The following NDUFS4 variants were observed in gnomAD, a reference collection of about 807,000 sequenced individuals.
NDUFS4 encodes the protein NADH dehydrogenase [ubiquinone] iron-sulfur protein 4, mitochondrial.
In NDUFS4, 28 loss-of-function variants were observed where a neutral mutation model predicts 24.3. The ratio of observed to expected loss-of-function variants is 1.15; its 90% CI spans 0.85 to 1.58. NDUFS4 has a LOEUF of 1.58. NDUFS4 is among the 40% of genes most tolerant of loss of function. The pLI is 0.00. For missense variants in NDUFS4, 223 were observed against 207.9 expected (o/e 1.07, Z -0.45); for synonymous variants, 93 against 69.7 (o/e 1.34, Z -1.67).
intron 1 of NDUFS4, among the ~76,000 whole-genome samples, chr5:53,588,907 A>T (rs1447776551): frequency 6.6e-6 from 1 of 152,076 alleles, no homozygotes; most frequent in Non-Finnish European, 1.5e-5. Context: ...GAAGTTTTAG[A>T]CCAAAAGATT....
intron 1 of NDUFS4, among the ~76,000 whole-genome samples, chr5:53,595,080 A>G (rs1463348255): frequency 6.6e-6 from 1 of 152,170 alleles, no homozygotes; most frequent in African/African-American, 2.4e-5. Flanking sequence ...ATAAATCTAC[A>G]GATCTGCATA....
chr5:53,612,759 T>C (rs1181571783), intron 2 of NDUFS4, among the ~76,000 whole-genome samples: 2 of 152,142 alleles, frequency 1.3e-5, no homozygotes, highest in African/African-American at 4.8e-5. Context: ...GAGGTTTTAA[T>C]ATTGCTGTGT....
At chr5:53,582,855 CAT>C (rs1383974665) in intron 1 of NDUFS4, among the ~76,000 whole-genome samples, 1 of 152,156 alleles carries the variant, frequency 6.6e-6, no homozygotes, top group African/African-American at 2.4e-5. Flanking sequence ...ATTATGGAAT[CAT>C]ATAGAAATTT....
At chr5:53,671,753 G>A (rs911374361) in intron 4 of NDUFS4, among the ~76,000 whole-genome samples, 13 of 152,160 alleles carry the variant, frequency 8.5e-5, no homozygotes, top group Non-Finnish European at 1.8e-4. Context: ...GACAGCTGTG[G>A]AAAATTTGGA....
intron 2 of NDUFS4, among the ~76,000 whole-genome samples, chr5:53,605,333 A>G (rs1218158291): frequency 2.0e-5 from 3 of 152,164 alleles, no homozygotes; most frequent in African/African-American, 7.2e-5. Context: ...TCCTATGAGC[A>G]TCTTTTTTTA....
chr5:53,594,177 G>A (rs1750060782), intron 1 of NDUFS4, among the ~76,000 whole-genome samples: 2 of 152,082 alleles, frequency 1.3e-5, no homozygotes, highest in African/African-American at 4.8e-5. Flanking sequence ...ATTTCTCCTT[G>A]TAGTTTCATC....
At chr5:53,629,231 A>G (rs1330740768) in intron 2 of NDUFS4, among the ~76,000 whole-genome samples, 5 of 152,078 alleles carry the variant, frequency 3.3e-5, no homozygotes, top group East Asian at 3.8e-4. Flanking sequence ...TGATTGTACT[A>G]TGGTCTGAGA....
intron 4 of NDUFS4, among the ~76,000 whole-genome samples, chr5:53,676,632 A>G (rs1436270213): frequency 6.6e-6 from 1 of 152,192 alleles, no homozygotes; most frequent in Non-Finnish European, 1.5e-5. Flanking sequence ...GAAATGCAAA[A>G]TACTGGCACT....
intron 3 of NDUFS4, among the ~76,000 whole-genome samples, chr5:53,650,150 A>G (rs915670478): frequency 3.9e-5 from 6 of 152,186 alleles, no homozygotes; most frequent in Non-Finnish European, 7.3e-5. Flanking sequence ...CCCCAGACTC[A>G]CCGTAGTAAT....
intron 1 of NDUFS4, 76 bp downstream of exon 1, chr5:53,560,836 CG>C: frequency 6.2e-7 from 1 of 1,605,650 alleles, no homozygotes; most frequent in Non-Finnish European, 8.5e-7. Flanking sequence ...GGCTGAGTTC[CG>C]GAGGAGGCCT....
At chr5:53,658,406 C>A in intron 3 of NDUFS4, 145 bp from the exon 4 acceptor site, 1 of 603,152 alleles carries the variant, frequency 1.7e-6, no homozygotes. Context: ...TTCCAACTAA[C>A]AGTTTTAAAG....
intron 1 of NDUFS4, among the ~76,000 whole-genome samples, chr5:53,595,605 C>A (rs559928552): frequency 1.3e-5 from 2 of 152,130 alleles, no homozygotes; most frequent in Non-Finnish European, 2.9e-5. Flanking sequence ...ACATTTCTTT[C>A]TCCTTTACAT....
chr5:53,657,670 A>G (rs935069220), intron 3 of NDUFS4, among the ~76,000 whole-genome samples: 4 of 152,152 alleles, frequency 2.6e-5, no homozygotes, highest in Non-Finnish European at 5.9e-5. Flanking sequence ...CAAACCTGTA[A>G]TACCAGCACT....
intron 2 of NDUFS4, among the ~76,000 whole-genome samples, chr5:53,634,018 G>A (rs988499322): frequency 5.3e-5 from 8 of 152,284 alleles, no homozygotes; most frequent in African/African-American, 1.9e-4. Flanking sequence ...GAATACACGT[G>A]TACATTCTTG....
At chr5:53,600,610 G>T (rs764309969) in intron 1 of NDUFS4, among the ~76,000 whole-genome samples, 1 of 152,030 alleles carries the variant, frequency 6.6e-6, no homozygotes, top group Non-Finnish European at 1.5e-5. Flanking sequence ...CGCCCAGCCC[G>T]GTAGGTATAA....
intron 2 of NDUFS4, among the ~76,000 whole-genome samples, chr5:53,628,626 A>T (rs1432489799): frequency 6.6e-6 from 1 of 152,120 alleles, no homozygotes; most frequent in Non-Finnish European, 1.5e-5. Context: ...GTGTTCAGGA[A>T]TTTATTCATT....
At chr5:53,660,991 A>G (rs1371919741) in intron 4 of NDUFS4, among the ~76,000 whole-genome samples, 8 of 150,888 alleles carry the variant, frequency 5.3e-5, no homozygotes, top group African/African-American at 9.7e-5. Context: ...CTGTGCAGAA[A>G]CTCTTTAGTT....
At chr5:53,641,688 T>C (rs980665725) in intron 2 of NDUFS4, among the ~76,000 whole-genome samples, 1 of 152,202 alleles carries the variant, frequency 6.6e-6, no homozygotes, top group Non-Finnish European at 1.5e-5. Flanking sequence ...GATAATGCTA[T>C]CTGCCAACTC....
chr5:53,607,478 T>TA (rs1046291014), intron 2 of NDUFS4, among the ~76,000 whole-genome samples: 12 of 151,610 alleles, frequency 7.9e-5, no homozygotes, highest in African/African-American at 1.9e-4. Context: ...TGAAATTCTG[T>TA]AAAAAAAAGA....
Sources: gnomAD v4.1 joint callset for allele counts (sites outside exome capture counted in the v4.1 genomes callset) on GRCh38, gnomAD v4.1.1 for gene constraint, MANE v1.5 for transcripts, NCBI Gene and HGNC (gene_info 2026-07-23, HGNC 2026-07-21) for gene names.